The following BTBD2 variants were observed in gnomAD, a reference collection of about 807,000 sequenced individuals.
The protein encoded by BTBD2 is BTB domain containing 2.
Under a neutral mutation model 44.0 loss-of-function variants are expected in BTBD2, and 15 were observed. The ratio of observed to expected loss-of-function variants is 0.34; its 90% CI spans 0.23 to 0.53. The LOEUF (loss-of-function observed/expected upper bound fraction) is 0.53. Ranked by LOEUF, BTBD2 falls within the 20% of genes least tolerant of loss-of-function variation. BTBD2 has a pLI of 0.95. For missense variants in BTBD2, 657 were observed against 746.4 expected (o/e 0.88, Z 1.39); for synonymous variants, 443 against 335.9 (o/e 1.32, Z -3.49).
chr19:1,987,278 A>G (rs1290150268), intron 6 of BTBD2, 25 bp from the exon 7 acceptor site: 2 of 1,612,194 alleles, frequency 1.2e-6, no homozygotes, highest in Non-Finnish European at 1.7e-6. Context: ...GACAGGCAGC[A>G]GCGTGGATAC....
At chr19:2,013,423 G>C (rs1418627896) in intron 1 of BTBD2, 2 of 805,542 alleles carry the variant, frequency 2.5e-6, no homozygotes, top group East Asian at 1.3e-4. Flanking sequence ...GGACCCCGGA[G>C]CTGGGGGTCT....
chr19:1,994,246 G>A (rs1358540314), intron 2 of BTBD2, among the ~76,000 whole-genome samples: 2 of 151,724 alleles, frequency 1.3e-5, no homozygotes, highest in East Asian at 1.9e-4. Context: ...AACCCAGGAG[G>A]CGGAGGTTGC....
At chr19:2,012,843 C>T (rs1568224461) in intron 1 of BTBD2, among the ~76,000 whole-genome samples, 3 of 152,302 alleles carry the variant, frequency 2.0e-5, no homozygotes, top group African/African-American at 2.4e-5. Flanking sequence ...CAAGGTCAGC[C>T]GGTGCCCGGG....
At chr19:2,010,851 C>T (rs1293332891) in intron 1 of BTBD2, among the ~76,000 whole-genome samples, 1 of 152,162 alleles carries the variant, frequency 6.6e-6, no homozygotes, top group African/African-American at 2.4e-5. Flanking sequence ...GATGGCCAGG[C>T]TGGTCTCAAA....
intron 1 of BTBD2, chr19:2,013,482 G>A (rs1490258705): frequency 3.0e-6 from 3 of 984,454 alleles, no homozygotes; most frequent in Non-Finnish European, 3.6e-6. Context: ...GGTCTAGGGT[G>A]GTGGCCTGGT....
rs142084714 is a variant in BTBD2 at position 1,998,580 on chromosome 19, G to A, written c.408-1117C>T. On this transcript the variant is annotated intron_variant, in intron 1 of 8. Transcript: ENST00000255608. The stretch of plus-strand genomic sequence containing the variant: ...GATATCGCCACAGGCAGGAGGGTGC[G>A]GTGAGCAGAGAAAGGCTGCTGGTGC... 6.8e-4 allele frequency among the ~76,000 whole-genome samples: 104 copies of A among 152,304 alleles called. 3 individuals carry two copies. In the East Asian group the frequency reaches 0.016, roughly 23 times the overall value.
chr19:2,002,606 G>A (rs1429774236), intron 1 of BTBD2: 4 of 152,402 alleles, frequency 2.6e-5, no homozygotes, highest in Admixed American at 2.6e-4. Flanking sequence ...GGGCACAGGG[G>A]CTCATGCCTG....
chr19:1,989,938 G>T, intron 5 of BTBD2, 66 bp downstream of exon 5: 3 of 1,567,204 alleles, frequency 1.9e-6, no homozygotes, highest in Non-Finnish European at 1.7e-6. Context: ...ACTATCCTCG[G>T]TACCCAGATG....
chr19:1,993,707 A>C lies in BTBD2; in HGVS notation c.528-531T>G, dbSNP rs560189983. On this transcript the variant is annotated intron_variant, in intron 2 of 8. Transcript: ENST00000255608. ...CAGAAGTTGGGCCGATCAAAAATAG[A>C]AGCACAGGCTGGGCCTGGTGGTTCA... Among the ~76,000 whole-genome samples the C allele has an allele frequency of 3.9e-5, 6 of 152,112 alleles. No homozygotes were observed. In the South Asian group the frequency reaches 8.3e-4, roughly 21 times the overall value.
chr19:1,997,708 A>G (rs912868423), intron 1 of BTBD2, among the ~76,000 whole-genome samples: 2 of 152,204 alleles, frequency 1.3e-5, no homozygotes, highest in African/African-American at 2.4e-5. Flanking sequence ...ACAGGGCCTC[A>G]CGCTCTGCCA....
chr19:1,987,593 G>A lies in BTBD2; in HGVS notation c.1088C>T (p.Pro363Leu), dbSNP rs771686850. Residue 363 changes from proline (P) to leucine (L), a missense_variant, in exon 6 of 9, where the codon CCC becomes CTC. Pro to Leu is a moderately conservative substitution (Grantham distance 98, BLOSUM62 -3). Coordinates refer to ENST00000255608, the MANE Select transcript of BTBD2 (RefSeq NM_017797.4). ...CTCCTTCCCACGCAGGCAGCAGCGG[G>A]GCCGGTCAATGAACTCCACTCGTGG... is the stretch of plus-strand genomic sequence containing the variant. ...PKPRVEFIDR[P>L]RCCLRGKECS... 1 of 1,612,822 alleles carries A rather than the reference G, an allele frequency of 6.2e-7. No individual in the cohort carries two copies. Among genetic ancestry groups the A allele is most frequent in the Non-Finnish European group, 8.5e-7 (1 of 1,179,740 alleles).
chr19:2,015,266 G>A, intron 1 of BTBD2, 31 bp downstream of exon 1: 1 of 1,528,514 alleles, frequency 6.5e-7, no homozygotes, highest in East Asian at 2.5e-5. Context: ...GGGTGGGTCG[G>A]GGCCAGGGCT....
At chr19:1,990,617 C>T in intron 4 of BTBD2, 100 bp downstream of exon 4, 1 of 1,132,880 alleles carries the variant, frequency 8.8e-7, no homozygotes, top group East Asian at 2.6e-5. Flanking sequence ...CCCAGCTCAC[C>T]TGTGCAACTC....
chr19:1,987,418 C>G, intron 6 of BTBD2, 82 bp downstream of exon 6: 1 of 1,351,280 alleles, frequency 7.4e-7, no homozygotes, highest in Non-Finnish European at 1.0e-6. Flanking sequence ...TTCTCCACCC[C>G]CATGCCCGGC....
intron 1 of BTBD2, chr19:2,013,968 G>C (rs2016500011): frequency 6.6e-6 from 1 of 151,028 alleles, no homozygotes; most frequent in Admixed American, 6.6e-5. Flanking sequence ...GGGTCCTGGA[G>C]TTCAGGAGTC....
chr19:2,008,802 G>T (rs2016426878), intron 1 of BTBD2, among the ~76,000 whole-genome samples: 1 of 150,142 alleles, frequency 6.7e-6, no homozygotes, highest in African/African-American at 2.4e-5. Flanking sequence ...AACTCCTGGG[G>T]TCAAGTGATC....
rs114188557 is a variant in BTBD2 at position 2,002,270 on chromosome 19, G to A, written c.408-4807C>T. Among the ~76,000 whole-genome samples, 818 of 152,214 alleles carry A rather than the reference G, an allele frequency of 5.4e-3. 7 individuals are homozygous for A. The highest frequency in any genetic ancestry group is 0.019 in the African/African-American group (770 of 41,536). ...TAACTGTTAAATGTTTTGTACAGACGGGGTCTCGCTATGTTGCCCAGGCTG... is the reference window on the plus strand; with the variant it reads ...TAACTGTTAAATGTTTTGTACAGACAGGGTCTCGCTATGTTGCCCAGGCTG... On this transcript the variant is annotated intron_variant, in intron 1 of 8. Coordinates refer to ENST00000255608, the MANE Select transcript of BTBD2 (RefSeq NM_017797.4).
chr19:2,006,433 G>A (rs2016394878), intron 1 of BTBD2, among the ~76,000 whole-genome samples: 1 of 151,770 alleles, frequency 6.6e-6, no homozygotes, highest in Non-Finnish European at 1.5e-5. Context: ...CTTGAACCCA[G>A]GAAGCGGAGC....
intron 2 of BTBD2, among the ~76,000 whole-genome samples, chr19:1,994,990 CAG>C (rs943709817): frequency 1.3e-5 from 2 of 151,978 alleles, no homozygotes; most frequent in African/African-American, 2.4e-5. Context: ...GTTGTTGAGA[CAG>C]AGTCTCGCTC....
Sources: allele counts gnomAD v4.1 joint callset (sites outside exome capture counted in the v4.1 genomes callset), GRCh38; gene constraint gnomAD v4.1.1; transcripts MANE v1.5; gene names NCBI Gene and HGNC (gene_info 2026-07-23, HGNC 2026-07-21).